Variants in KCNIP4 observed in about 807,000 individuals in gnomAD.
KCNIP4 encodes the protein Kv channel-interacting protein 4.
A neutral mutation model predicts 34.0 loss-of-function variants in KCNIP4; 12 were observed. That is an observed-to-expected ratio of 0.35 (90% CI 0.23 to 0.57). The LOEUF is 0.57. KCNIP4 is among the 20% of genes least tolerant of loss of function. KCNIP4 has a pLI of 0.83. For synonymous variants in KCNIP4, 124 were observed against 102.2 expected, an observed-to-expected ratio of 1.21 and a Z score of -1.29; for missense variants, 238 against 311.7, an observed-to-expected ratio of 0.76 and a Z score of 1.78.
At chr4:21,294,015 T>C (rs16870731) in intron 1 of KCNIP4, among the ~76,000 whole-genome samples, 10,358 of 152,190 alleles carry the variant, frequency 0.068, 515 homozygotes, top group African/African-American at 0.14. Context: ...CTTAGGTGAG[T>C]GGCTGAAATT....
At chr4:21,589,247 CAT>C (rs2109090524) in intron 1 of KCNIP4, among the ~76,000 whole-genome samples, 2 of 85,786 alleles carry the variant, frequency 2.3e-5, no homozygotes, top group East Asian at 6.7e-4. Context: ...TACATATATA[CAT>C]ATATGTATCT....
intron 1 of KCNIP4, among the ~76,000 whole-genome samples, chr4:21,148,740 A>T (rs2109237628): frequency 6.6e-6 from 1 of 152,102 alleles, no homozygotes; most frequent in Non-Finnish European, 1.5e-5. Context: ...GTAAAGTGAC[A>T]AATCACAGCA....
intron 1 of KCNIP4, among the ~76,000 whole-genome samples, chr4:21,025,550 T>TTTTG (rs1553928590): frequency 1.5e-5 from 1 of 68,082 alleles, no homozygotes; most frequent in Non-Finnish European, 2.9e-5. Context: ...ACTGTTTTTT[T>TTTTG]TTTTTTTTTT....
intron 1 of KCNIP4, among the ~76,000 whole-genome samples, chr4:21,184,439 C>A (rs1755064721): frequency 6.6e-6 from 1 of 151,886 alleles, no homozygotes; most frequent in African/African-American, 2.4e-5. Context: ...AGGAGATTGC[C>A]TAGAGGAGGA....
chr4:21,678,007 G>A (rs201550047), intron 1 of KCNIP4, among the ~76,000 whole-genome samples: 8 of 152,158 alleles, frequency 5.3e-5, no homozygotes, highest in South Asian at 2.1e-4. Context: ...CTGCCTCGGC[G>A]TCCCAAAGTG....
chr4:21,694,914 C>CAAAAAAAAAAAAAAAAA (rs368053041), intron 1 of KCNIP4, among the ~76,000 whole-genome samples: 4 of 46,504 alleles, frequency 8.6e-5, no homozygotes, highest in African/African-American at 2.6e-4. Context: ...CACGATTGAC[C>CAAAAAAAAAAAAAAAAA]AAAAAAAAAA....
At chr4:20,987,515 A>G (rs966127694) in intron 1 of KCNIP4, among the ~76,000 whole-genome samples, 1 of 152,162 alleles carries the variant, frequency 6.6e-6, no homozygotes, top group East Asian at 1.9e-4. Context: ...GCTCACCCCA[A>G]ATCAATAGGT....
At chr4:21,659,442 A>G (rs148614834) in intron 1 of KCNIP4, among the ~76,000 whole-genome samples, 41 of 152,228 alleles carry the variant, frequency 2.7e-4, no homozygotes, top group African/African-American at 9.6e-4. Context: ...TTTAATGGTT[A>G]CCTTACTAGT....
At chr4:21,092,363 T>C (rs1002980461) in intron 1 of KCNIP4, among the ~76,000 whole-genome samples, 18 of 151,918 alleles carry the variant, frequency 1.2e-4, no homozygotes, top group Admixed American at 9.2e-4. Context: ...CAGGAGTCAG[T>C]CTAAAAGGAA....
intron 3 of KCNIP4, among the ~76,000 whole-genome samples, chr4:20,762,473 A>G (rs933465817): frequency 1.3e-5 from 2 of 152,158 alleles, no homozygotes; most frequent in Non-Finnish European, 2.9e-5. Context: ...AAACTAGTGC[A>G]TTTTTTTAAA....
At chr4:21,093,137 A>C (rs1292153355) in intron 1 of KCNIP4, among the ~76,000 whole-genome samples, 1 of 152,188 alleles carries the variant, frequency 6.6e-6, no homozygotes, top group Non-Finnish European at 1.5e-5. Context: ...TAATAAAACC[A>C]TTAAGGTTGA....
At position 21,501,993 on chromosome 4, in the gene KCNIP4, G is replaced by GCACA. The variant is rs10559810; in HGVS notation, c.61+446574_61+446577dup. ...TTCTCTCTCTCTCTCTCATGCACAC[G>GCACA]CACACACACACACACACACACAAGC... is the stretch of plus-strand genomic sequence containing the variant. On this transcript the variant is annotated intron_variant, in intron 1 of 8. Coordinates refer to ENST00000382152, the MANE Select transcript of KCNIP4 (RefSeq NM_025221.6). 7.4e-3 allele frequency among the ~76,000 whole-genome samples: 1,074 copies of GCACA among 145,206 alleles called. 14 individuals are homozygous for GCACA. Among genetic ancestry groups the GCACA allele is most frequent in the African/African-American group, 0.026 (1,020 of 39,150 alleles).
intron 1 of KCNIP4, among the ~76,000 whole-genome samples, chr4:21,832,352 T>C (rs964552531): frequency 2.6e-5 from 4 of 152,140 alleles, no homozygotes; most frequent in Non-Finnish European, 5.9e-5. Context: ...ATTCTATTTT[T>C]ATAAGGGTGT....
chr4:21,354,247 G>T (rs1016829564), intron 1 of KCNIP4, among the ~76,000 whole-genome samples: 5 of 152,094 alleles, frequency 3.3e-5, no homozygotes, highest in Non-Finnish European at 7.4e-5. Context: ...CAATTAAGGG[G>T]CAAAATAACC....
chr4:20,986,223 T>A (rs1309872656), intron 1 of KCNIP4, among the ~76,000 whole-genome samples: 3 of 152,192 alleles, frequency 2.0e-5, no homozygotes, highest in Non-Finnish European at 4.4e-5. Context: ...GCTGATCATC[T>A]CAACCCACAG....
intron 1 of KCNIP4, among the ~76,000 whole-genome samples, chr4:21,589,087 TA>T (rs940405329): frequency 6.2e-5 from 9 of 144,320 alleles, no homozygotes; most frequent in Non-Finnish European, 1.2e-4. Context: ...CAGATTACTA[TA>T]AAATAGTCTA....
At chr4:21,556,662 T>C (rs1577589574) in intron 1 of KCNIP4, among the ~76,000 whole-genome samples, 2 of 152,126 alleles carry the variant, frequency 1.3e-5, no homozygotes, top group Admixed American at 1.3e-4. Context: ...GGCTCATGCC[T>C]GAAATCCCAG....
chr4:21,462,366 G>A (rs555966623), intron 1 of KCNIP4, among the ~76,000 whole-genome samples: 16 of 152,054 alleles, frequency 1.1e-4, no homozygotes, highest in Admixed American at 3.9e-4. Context: ...CGTGGATGGC[G>A]GCAGGCAAAG....
chr4:20,994,945 C>G (rs1343706338), intron 1 of KCNIP4, among the ~76,000 whole-genome samples: 1 of 152,180 alleles, frequency 6.6e-6, no homozygotes, highest in Non-Finnish European at 1.5e-5. Flanking sequence ...CCATAAGACA[C>G]TTTCTCCTAA....
Sources: gnomAD v4.1 joint callset for allele counts (sites outside exome capture counted in the v4.1 genomes callset) on GRCh38, gnomAD v4.1.1 for gene constraint, MANE v1.5 for transcripts, NCBI Gene and HGNC (gene_info 2026-07-23, HGNC 2026-07-21) for gene names.